The following CANX variants were observed in gnomAD, a reference collection of about 807,000 sequenced individuals.
CANX encodes calnexin, also known as epididymis secretory sperm binding protein.
CANX carries 14 observed loss-of-function variants against 75.7 expected under a neutral mutation model. The ratio of observed to expected loss-of-function variants is 0.19; its 90% CI spans 0.12 to 0.29. The LOEUF is 0.29. Ranked by LOEUF, CANX falls within the 10% of genes least tolerant of loss-of-function variation. The pLI is 1.00. For missense variants in CANX, 567 were observed against 713.2 expected (o/e 0.79, Z 2.34); for synonymous variants, 227 against 236.9 (o/e 0.96, Z 0.38).
At chr5:179,727,668 T>C (rs1451604605) in intron 14 of CANX, among the ~76,000 whole-genome samples, 1 of 152,198 alleles carries the variant, frequency 6.6e-6, no homozygotes, top group Non-Finnish European at 1.5e-5. Flanking sequence ...CACAGGATGA[T>C]GACTGTGTCT....
At chr5:179,705,653 T>G in intron 1 of CANX, 26 bp from the exon 2 acceptor site, 1 of 1,584,562 alleles carries the variant, frequency 6.3e-7, no homozygotes, top group Non-Finnish European at 8.6e-7. Flanking sequence ...GCAATACATT[T>G]AACTGATTTT....
chr5:179,716,860 A>C (rs1777990233), intron 8 of CANX, among the ~76,000 whole-genome samples: 1 of 152,192 alleles, frequency 6.6e-6, no homozygotes, highest in African/African-American at 2.4e-5. Context: ...TCTTGGAGCA[A>C]GGCAAATCAG....
upstream of CANX, among the ~76,000 whole-genome samples, chr5:179,696,621 T>G (rs968245911): frequency 1.3e-5 from 2 of 152,140 alleles, no homozygotes; most frequent in African/African-American, 4.8e-5. Context: ...CTCTCCAGCA[T>G]TAACCTTTCC....
chr5:179,710,104 A>G (rs761423806), intron 7 of CANX, 39 bp downstream of exon 7: 2 of 1,158,368 alleles, frequency 1.7e-6, no homozygotes, highest in Admixed American at 2.2e-5. Context: ...ATGGTATTAC[A>G]TATATATCAT....
intron 2 of CANX, 77 bp from the exon 3 acceptor site, chr5:179,706,181 C>A (rs1777127544): frequency 1.2e-6 from 1 of 855,234 alleles, no homozygotes; most frequent in Non-Finnish European, 1.9e-6. Context: ...TGAAAGCAAA[C>A]CAGGAGAATA....
chr5:179,703,026 C>T (rs925364901), intron 1 of CANX, among the ~76,000 whole-genome samples: 3 of 152,280 alleles, frequency 2.0e-5, no homozygotes, highest in Admixed American at 6.5e-5. Flanking sequence ...GCCTCGGCCT[C>T]CCAAAGTGCT....
At chr5:179,709,194 T>C in intron 6 of CANX, 135 bp downstream of exon 6, 1 of 608,056 alleles carries the variant, frequency 1.6e-6, no homozygotes, top group Admixed American at 2.5e-5. Flanking sequence ...GGCAGGCGGA[T>C]CACGAGGTCA....
intron 13 of CANX, among the ~76,000 whole-genome samples, chr5:179,724,986 C>T (rs1435687217): frequency 1.3e-5 from 2 of 152,100 alleles, no homozygotes; most frequent in African/African-American, 4.8e-5. Context: ...CACTGCACTC[C>T]AGCTGAGCAA....
chr5:179,680,924 C>T, intron 1 of CANX: 1 of 1,536,208 alleles, frequency 6.5e-7, no homozygotes, highest in South Asian at 1.2e-5. Flanking sequence ...CACATCCAGG[C>T]CCACCCTTGA....
chr5:179,721,496 A>G (rs981374602), intron 10 of CANX, among the ~76,000 whole-genome samples: 6 of 152,234 alleles, frequency 3.9e-5, no homozygotes, highest in Admixed American at 1.3e-4. Flanking sequence ...TGCTTCAGCC[A>G]TAGGATCCAC....
At chr5:179,684,767 ATTTT>A (rs1235662381) in intron 1 of CANX, among the ~76,000 whole-genome samples, 2 of 151,522 alleles carry the variant, frequency 1.3e-5, no homozygotes, top group Non-Finnish European at 1.5e-5. Context: ...TTATTTATTT[ATTTT>A]TTGAGATGGA....
chr5:179,727,181 A>G (rs1054897791), intron 14 of CANX, among the ~76,000 whole-genome samples: 2 of 152,290 alleles, frequency 1.3e-5, no homozygotes, highest in African/African-American at 4.8e-5. Context: ...TTGAGTGCCC[A>G]TTTTGTGCCA....
intron 1 of CANX, chr5:179,679,030 T>G (rs943403138): frequency 6.5e-7 from 1 of 1,534,590 alleles, no homozygotes; most frequent in Non-Finnish European, 8.7e-7. Flanking sequence ...TGCGGCGCAG[T>G]GGCGGCCGCC....
chr5:179,699,197 C>G, intron 1 of CANX, 95 bp downstream of exon 1: 1 of 764,824 alleles, frequency 1.3e-6, no homozygotes, highest in African/African-American at 1.9e-5. Flanking sequence ...TGGCCGGCGA[C>G]TGAGGGGTCG....
chr5:179,691,628 C>G (rs1776300190), intron 1 of CANX, among the ~76,000 whole-genome samples: 1 of 152,100 alleles, frequency 6.6e-6, no homozygotes, highest in South Asian at 2.1e-4. Flanking sequence ...CTCTGGAAGA[C>G]AGGAAGAGCC....
chr5:179,716,596 A>G (rs1777967823), intron 8 of CANX, among the ~76,000 whole-genome samples: 1 of 152,198 alleles, frequency 6.6e-6, no homozygotes, highest in South Asian at 2.1e-4. Flanking sequence ...GCTTCTGTGA[A>G]CTCACATTTA....
Position 179,728,691 on chromosome 5 carries a change from G to A in CANX, c.*47G>A. 1 of 1,383,512 alleles carries A rather than the reference G, an allele frequency of 7.2e-7. No individual in the cohort carries two copies. The highest frequency in any genetic ancestry group is 1.4e-5 in the African/African-American group (1 of 70,384). 85.7% of individuals were successfully genotyped at this position (1,383,512 alleles called of 1,614,324 possible). A position where few individuals can be genotyped will look rare whatever the true frequency, so the allele number is the denominator to read the frequency against. Reference sequence around the variant, plus strand: ...TGTGATTTCTTCTCCCTCCTCCCCTGCAAGAGTGGTCCTAGGAGAGGACCT... The same window carrying A: ...TGTGATTTCTTCTCCCTCCTCCCCTACAAGAGTGGTCCTAGGAGAGGACCT... On this transcript the variant is annotated 3_prime_UTR_variant, in exon 15 of 15. Transcript: ENST00000247461.
chr5:179,724,284 C>T (rs1778503246), intron 12 of CANX, among the ~76,000 whole-genome samples: 1 of 151,714 alleles, frequency 6.6e-6, no homozygotes, highest in South Asian at 2.1e-4. Flanking sequence ...TTATTTTGGA[C>T]TCTACTTCTG....
At chr5:179,685,721 AT>A (rs34302968) in intron 1 of CANX, among the ~76,000 whole-genome samples, 49,399 of 151,066 alleles carry the variant, frequency 0.33, 8,800 homozygotes, top group South Asian at 0.53. Context: ...CGCCCAGCTA[AT>A]TTTTGTATTT....
Sources: allele counts gnomAD v4.1 joint callset (sites outside exome capture counted in the v4.1 genomes callset), GRCh38; gene constraint gnomAD v4.1.1; transcripts MANE v1.5; gene names NCBI Gene and HGNC (gene_info 2026-07-23, HGNC 2026-07-21).